The following LRP1B variants were observed in gnomAD, a reference collection of about 807,000 sequenced individuals.
LRP1B encodes the protein LDL receptor related protein 1B.
A neutral mutation model predicts 556.6 loss-of-function variants in LRP1B; 217 were observed. The ratio of observed to expected loss-of-function variants is 0.39; its 90% CI spans 0.35 to 0.44. LRP1B has a LOEUF of 0.44. Ranked by LOEUF, LRP1B falls within the 20% of genes least tolerant of loss-of-function variation. The probability of loss-of-function intolerance (pLI) is 1.00; values close to 1 mark genes in which losing one functional copy is unlikely to be tolerated. For missense variants in LRP1B, 5,053 were observed against 5,620.8 expected (o/e 0.90, Z 3.23); for synonymous variants, 2,047 against 1,865.8 (o/e 1.10, Z -2.50).
In LRP1B at chr2:141,039,295, T is replaced by C. The variant is rs538446102; in HGVS notation, c.1789+9691A>G. Among the ~76,000 whole-genome samples, 5 of 152,190 alleles carry C rather than the reference T, an allele frequency of 3.3e-5. No homozygotes were observed. In the East Asian group the frequency reaches 9.7e-4, roughly 29 times the overall value. On this transcript the variant is annotated intron_variant, in intron 11 of 90. Coordinates refer to ENST00000389484, the MANE Select transcript of LRP1B (RefSeq NM_018557.3). ...ACAGAGACTACATGCACATAACATT[T>C]ATTATAGCATGTTGTTATAATTGTT...
intron 1 of LRP1B, among the ~76,000 whole-genome samples, chr2:141,934,489 A>T (rs1249752996): frequency 1.3e-5 from 2 of 152,190 alleles, no homozygotes; most frequent in Non-Finnish European, 2.9e-5. Flanking sequence ...ATTTACTAAT[A>T]AAATATATTA....
intron 41 of LRP1B, among the ~76,000 whole-genome samples, chr2:140,645,114 G>C (rs1298929430): frequency 6.6e-6 from 1 of 152,016 alleles, no homozygotes; most frequent in Non-Finnish European, 1.5e-5. Flanking sequence ...ATTTTAATCA[G>C]GAAGCCTTTT....
intron 3 of LRP1B, among the ~76,000 whole-genome samples, chr2:141,369,626 G>A (rs1212049870): frequency 1.3e-5 from 2 of 152,052 alleles, no homozygotes; most frequent in Admixed American, 6.6e-5. Context: ...CCAAGATAGA[G>A]TATAAGCAAT....
At chr2:140,917,705 G>A (rs563491003) in intron 21 of LRP1B, among the ~76,000 whole-genome samples, 17 of 152,184 alleles carry the variant, frequency 1.1e-4, no homozygotes, top group African/African-American at 4.1e-4. Flanking sequence ...GAATAAACAG[G>A]CAGGGTACGA....
At chr2:140,491,048 A>G (rs1361827992) in intron 57 of LRP1B, among the ~76,000 whole-genome samples, 2 of 152,132 alleles carry the variant, frequency 1.3e-5, no homozygotes, top group Non-Finnish European at 2.9e-5. Context: ...GTTATGTGAA[A>G]TAGACTTAAA....
intron 32 of LRP1B, among the ~76,000 whole-genome samples, chr2:140,796,813 G>A (rs975509801): frequency 6.6e-6 from 1 of 152,042 alleles, no homozygotes; most frequent in African/African-American, 2.4e-5. Flanking sequence ...TCAAATTACA[G>A]ATGAAAGTGC....
intron 1 of LRP1B, among the ~76,000 whole-genome samples, chr2:141,836,324 A>C (rs1286871327): frequency 2.0e-5 from 3 of 152,044 alleles, no homozygotes; most frequent in Non-Finnish European, 4.4e-5. Flanking sequence ...ATACTTACAT[A>C]GATTAATTGT....
intron 2 of LRP1B, among the ~76,000 whole-genome samples, chr2:141,793,515 T>C (rs1558879167): frequency 6.6e-6 from 1 of 151,932 alleles, no homozygotes; most frequent in Non-Finnish European, 1.5e-5. Context: ...GGGTAATAGA[T>C]TATAATTTAA....
At chr2:140,693,307 T>C (rs1297782633) in intron 41 of LRP1B, among the ~76,000 whole-genome samples, 2 of 152,176 alleles carry the variant, frequency 1.3e-5, no homozygotes, top group African/African-American at 4.8e-5. Flanking sequence ...CATTAAAATA[T>C]CATTTTGGCT....
intron 3 of LRP1B, among the ~76,000 whole-genome samples, chr2:141,288,238 CAA>C (rs11302978): frequency 0.026 from 3,814 of 145,704 alleles, 70 homozygotes; most frequent in South Asian, 0.046. Flanking sequence ...GGAATAATAA[CAA>C]AAAAAAAAAT....
In LRP1B at chr2:141,892,888, C is replaced by T. The variant is rs1699333003; in HGVS notation, c.83-82487G>A. On this transcript the variant is annotated intron_variant, in intron 1 of 90. Transcript: ENST00000389484. ...TTTGCATGTAAATTGAGAAATTTACCACCACTTTGACATGACAATCTGAGC... is the reference window on the plus strand; with the variant it reads ...TTTGCATGTAAATTGAGAAATTTACTACCACTTTGACATGACAATCTGAGC... Among the ~76,000 whole-genome samples the T allele has an allele frequency of 1.3e-5, 2 of 151,966 alleles. 1 individual carries two copies. The highest frequency in any genetic ancestry group is 4.2e-4 in the South Asian group (2 of 4,814).
intron 7 of LRP1B, among the ~76,000 whole-genome samples, chr2:141,087,666 G>A (rs767025626): frequency 2.6e-5 from 4 of 152,094 alleles, no homozygotes; most frequent in African/African-American, 7.2e-5. Context: ...GGCTCTAAAC[G>A]GGAGATTCCT....
At position 140,516,976 on chromosome 2, in the gene LRP1B, T is replaced by G. The variant is rs753214050; in HGVS notation, c.8062A>C (p.Ser2688Arg). 7.5e-6 allele frequency: 12 copies of G among 1,597,718 alleles called. No homozygotes were observed. Among genetic ancestry groups the G allele is most frequent in the Non-Finnish European group, 1.0e-5 (12 of 1,165,344 alleles). Reference sequence around the variant, plus strand: ...AAAATGCATCTTCCACTAGGACAACTAAAATAATTTTCTTCACATTTGTGT... The same window carrying G: ...AAAATGCATCTTCCACTAGGACAACGAAAATAATTTTCTTCACATTTGTGT... ...NKHKCEENYFSCPSGRCILNT... is the reference protein window; with the variant it reads ...NKHKCEENYFRCPSGRCILNT... The change falls in exon 50 of 91, where the codon AGT (serine) becomes CGT (arginine). Residue 2688 changes from serine to arginine, a missense_variant. Physicochemically the swap from Ser to Arg is moderately radical, Grantham distance 110 (BLOSUM62 -1). Coordinates refer to ENST00000389484, the MANE Select transcript of LRP1B (RefSeq NM_018557.3).
chr2:141,332,869 CA>C (rs1484371045), intron 3 of LRP1B, among the ~76,000 whole-genome samples: 1 of 150,624 alleles, frequency 6.6e-6, no homozygotes, highest in Non-Finnish European at 1.5e-5. Flanking sequence ...ACAGTAAAGT[CA>C]GAGATTTACT....
chr2:141,043,993 G>A (rs1361758677), intron 11 of LRP1B, among the ~76,000 whole-genome samples: 2 of 151,928 alleles, frequency 1.3e-5, no homozygotes, highest in East Asian at 3.9e-4. Context: ...CAAAGGTGGA[G>A]GCATCACACT....
chr2:141,056,016 A>G (rs370157571), intron 9 of LRP1B, among the ~76,000 whole-genome samples: 2 of 152,030 alleles, frequency 1.3e-5, no homozygotes, highest in Non-Finnish European at 2.9e-5. Flanking sequence ...AAGATTTTAC[A>G]TATTATTGTA....
At chr2:141,510,602 G>A (rs1684094245) in intron 2 of LRP1B, among the ~76,000 whole-genome samples, 1 of 151,950 alleles carries the variant, frequency 6.6e-6, no homozygotes, top group African/African-American at 2.4e-5. Flanking sequence ...CCCTATTCAT[G>A]AAATCCTTCT....
At chr2:141,965,968 T>A (rs185361038) in intron 1 of LRP1B, among the ~76,000 whole-genome samples, 5 of 151,922 alleles carry the variant, frequency 3.3e-5, no homozygotes, top group Admixed American at 3.3e-4. Context: ...TATTGTCTCA[T>A]CACTGACTAA....
intron 31 of LRP1B, among the ~76,000 whole-genome samples, chr2:140,835,858 T>C (rs1691883308): frequency 6.6e-6 from 1 of 152,146 alleles, no homozygotes. Context: ...TTTTTAGAGT[T>C]TTATATTTGC....
Sources: allele counts gnomAD v4.1 joint callset (sites outside exome capture counted in the v4.1 genomes callset), GRCh38; gene constraint gnomAD v4.1.1; transcripts MANE v1.5; gene names NCBI Gene and HGNC (gene_info 2026-07-23, HGNC 2026-07-21).